Variants in PHACTR3 observed in about 807,000 individuals in gnomAD.
The protein encoded by PHACTR3 is phosphatase and actin regulator 3, also known as protein phosphatase 1, regulatory subunit 123.
Under a neutral mutation model 66.8 loss-of-function variants are expected in PHACTR3, and 16 were observed. The observed-to-expected ratio is 0.24, with a 90% CI of 0.16 to 0.36. PHACTR3 has a LOEUF of 0.36. Among genes scored for constraint, PHACTR3 ranks in the 10% least tolerant of loss-of-function variants. The probability of loss-of-function intolerance (pLI) is 1.00; values close to 1 mark genes in which losing one functional copy is unlikely to be tolerated. For missense variants in PHACTR3, 647 were observed against 719.9 expected (o/e 0.90, Z 1.16); for synonymous variants, 323 against 292.1 (o/e 1.11, Z -1.08).
intron 1 of PHACTR3, among the ~76,000 whole-genome samples, chr20:59,661,750 C>T (rs759722525): frequency 1.1e-4 from 16 of 151,122 alleles, no homozygotes; most frequent in South Asian, 6.2e-4. Context: ...AGGTTGGCCA[C>T]GCAGCGACAG....
At chr20:59,671,783 C>T (rs766653152) in intron 1 of PHACTR3, among the ~76,000 whole-genome samples, 8 of 152,228 alleles carry the variant, frequency 5.3e-5, no homozygotes, top group East Asian at 1.9e-4. Flanking sequence ...TGCCAGGCTG[C>T]GTGGCTGCTG....
At chr20:59,722,646 G>A (rs1433842267) in intron 1 of PHACTR3, among the ~76,000 whole-genome samples, 2 of 152,170 alleles carry the variant, frequency 1.3e-5, no homozygotes, top group Non-Finnish European at 2.9e-5. Flanking sequence ...AGTGGACCGG[G>A]AAGTGGCCAG....
chr20:59,656,729 A>T, intron 1 of PHACTR3, among the ~76,000 whole-genome samples: 1 of 149,618 alleles, frequency 6.7e-6, no homozygotes, highest in Admixed American at 6.7e-5. Context: ...TTTTTCCTTT[A>T]CTGCTTTATT....
At chr20:59,839,995 C>CA (rs2059029587) in intron 9 of PHACTR3, among the ~76,000 whole-genome samples, 3 of 152,126 alleles carry the variant, frequency 2.0e-5, no homozygotes, top group African/African-American at 7.2e-5. Flanking sequence ...TAGTCTACTA[C>CA]AGCTTTTTTT....
intron 8 of PHACTR3, 66 bp downstream of exon 8, chr20:59,806,260 A>G: frequency 6.4e-7 from 1 of 1,564,980 alleles, no homozygotes; most frequent in Non-Finnish European, 8.7e-7. Context: ...CCCCTCTGAG[A>G]TCCCACATCC....
chr20:59,809,330 C>T (rs929200297), intron 8 of PHACTR3, among the ~76,000 whole-genome samples: 4 of 152,090 alleles, frequency 2.6e-5, no homozygotes, highest in South Asian at 2.1e-4. Flanking sequence ...ACAGCCCTGC[C>T]GCTCGGCCTC....
At chr20:59,777,807 G>A (rs1432470351) in intron 7 of PHACTR3, among the ~76,000 whole-genome samples, 1 of 152,126 alleles carries the variant, frequency 6.6e-6, no homozygotes, top group African/African-American at 2.4e-5. Context: ...AGCACCTGTT[G>A]GTTGTGTGGC....
At chr20:59,641,396 C>G (rs1007962831) in intron 1 of PHACTR3, among the ~76,000 whole-genome samples, 2 of 152,156 alleles carry the variant, frequency 1.3e-5, no homozygotes, top group African/African-American at 2.4e-5. Context: ...TGGTGTAGTT[C>G]TAGTGCGAGT....
At chr20:59,725,910 C>G (rs1040694849) in intron 1 of PHACTR3, among the ~76,000 whole-genome samples, 1 of 152,178 alleles carries the variant, frequency 6.6e-6, no homozygotes, top group Non-Finnish European at 1.5e-5. Flanking sequence ...GGAGGCTCCA[C>G]AGCCTTGGAC....
intron 1 of PHACTR3, among the ~76,000 whole-genome samples, chr20:59,616,283 C>T (rs1311689576): frequency 1.3e-5 from 2 of 152,102 alleles, no homozygotes; most frequent in Non-Finnish European, 2.9e-5. Flanking sequence ...CTCCTCCTAT[C>T]ACTGTGGAGA....
chr20:59,597,021 C>T (rs1352299234), intron 1 of PHACTR3, among the ~76,000 whole-genome samples: 1 of 152,220 alleles, frequency 6.6e-6, no homozygotes, highest in African/African-American at 2.4e-5. Context: ...GGCATGGAGT[C>T]AGTGTTTGGT....
In PHACTR3 at chr20:59,738,332, G is replaced by C. The variant is rs895631539; in HGVS notation, c.119-4775G>C. ...TAATGCACAATAAGGATGATAATAA[G>C]GGGGAGGGAGCAGCAGAGCACAGAG... is the stretch of plus-strand genomic sequence containing the variant. On this transcript the variant is annotated intron_variant, in intron 1 of 12. Coordinates refer to ENST00000371015, the MANE Select transcript of PHACTR3 (RefSeq NM_080672.5). The surrounding 1 kb of genome is among the most constrained non-coding windows in gnomAD (Gnocchi z 4.4). Among the ~76,000 whole-genome samples the C allele has an allele frequency of 6.6e-6, 1 of 152,148 alleles. No homozygotes were observed. Among genetic ancestry groups the C allele is most frequent in the Non-Finnish European group, 1.5e-5 (1 of 68,032 alleles).
chr20:59,751,114 C>A (rs142574521), intron 3 of PHACTR3, among the ~76,000 whole-genome samples: 2 of 152,200 alleles, frequency 1.3e-5, no homozygotes, highest in African/African-American at 2.4e-5. Context: ...GGGGTAGGCA[C>A]GCAGTGCCGC....
rs546121371 is a variant in PHACTR3 at position 59,823,028 on chromosome 20, G to T, written c.1329-13477G>T. 8.5e-5 allele frequency among the ~76,000 whole-genome samples: 13 copies of T among 152,372 alleles called. No individual in the cohort carries two copies. In the East Asian group the frequency reaches 2.3e-3, roughly 27 times the overall value. On this transcript the variant is annotated intron_variant, in intron 8 of 12. Coordinates refer to ENST00000371015, the MANE Select transcript of PHACTR3 (RefSeq NM_080672.5). ...CCAAGGAGGAAAGCGGAAGGAGCTG[G>T]AGGGCAAGGCAGGCCCTGGTACCTG... is the stretch of plus-strand genomic sequence containing the variant.
chr20:59,775,134 C>G (rs78005942), intron 7 of PHACTR3, among the ~76,000 whole-genome samples: 2 of 149,702 alleles, frequency 1.3e-5, no homozygotes, highest in African/African-American at 4.9e-5. Flanking sequence ...GGGCTCGGGA[C>G]GATAGAGGCC....
chr20:59,720,392 C>G (rs1217331444), intron 1 of PHACTR3, among the ~76,000 whole-genome samples: 1 of 152,224 alleles, frequency 6.6e-6, no homozygotes, highest in Non-Finnish European at 1.5e-5. Flanking sequence ...ACGGGCTCTT[C>G]TGTCTCTCAA....
At chr20:59,762,803 A>G (rs2040037872) in intron 4 of PHACTR3, among the ~76,000 whole-genome samples, 1 of 152,246 alleles carries the variant, frequency 6.6e-6, no homozygotes, top group South Asian at 2.1e-4. Flanking sequence ...GAGGAGGCCC[A>G]GGCAGAAGTT....
chr20:59,791,816 G>T (rs1469189873), intron 7 of PHACTR3, among the ~76,000 whole-genome samples: 1 of 147,870 alleles, frequency 6.8e-6, no homozygotes, highest in Admixed American at 6.8e-5. Context: ...CATACTGATT[G>T]TATTTCTATT....
chr20:59,643,934 A>G (rs2035191670), intron 1 of PHACTR3, among the ~76,000 whole-genome samples: 1 of 152,174 alleles, frequency 6.6e-6, no homozygotes, highest in Non-Finnish European at 1.5e-5. Context: ...TGGACTTGTT[A>G]GAGAACACTA....
Sources: allele counts gnomAD v4.1 joint callset (sites outside exome capture counted in the v4.1 genomes callset), GRCh38; gene constraint gnomAD v4.1.1; non-coding constraint Gnocchi (gnomAD v3.1); transcripts MANE v1.5; gene names NCBI Gene and HGNC (gene_info 2026-07-23, HGNC 2026-07-21).